SVIL: variants seen among roughly 807,000 people sequenced by gnomAD.
SVIL encodes archvillin.
Under a neutral mutation model 240.4 loss-of-function variants are expected in SVIL, and 101 were observed. The ratio of observed to expected loss-of-function variants is 0.42; its 90% CI spans 0.36 to 0.50. The LOEUF is 0.50. SVIL is among the 20% of genes least tolerant of loss of function. The pLI is 0.01. For missense variants in SVIL, 2,512 were observed against 2,818.7 expected (o/e 0.89, Z 2.46); for synonymous variants, 999 against 1,100.0 (o/e 0.91, Z 1.82).
At chr10:29,548,190 G>A (rs541798735) in intron 6 of SVIL, among the ~76,000 whole-genome samples, 3 of 152,262 alleles carry the variant, frequency 2.0e-5, no homozygotes, top group East Asian at 3.9e-4. Context: ...GTACCACAAG[G>A]GTCTGCTTCA....
intron 20 of SVIL, among the ~76,000 whole-genome samples, chr10:29,494,241 G>A (rs868626330): frequency 1.8e-4 from 27 of 152,054 alleles, no homozygotes; most frequent in African/African-American, 4.8e-4. Context: ...GCTGACCCAC[G>A]GGCTAGATCA....
In SVIL at chr10:29,622,263, A is replaced by AAAG. The variant is rs1420863352; in HGVS notation, c.-201+12156_-201+12157insCTT. The stretch of plus-strand genomic sequence containing the variant: ...AGACTCCGTCTCAAAAAAAAAAAAA[A>AAAG]AAAAAAAAAAAAGAACCTTGGAAAC... On this transcript the variant is annotated intron_variant, in intron 1 of 37. Transcript: ENST00000355867. Among the ~76,000 whole-genome samples, 26 of 149,962 alleles carry AAAG rather than the reference A, an allele frequency of 1.7e-4. 1 individual carries two copies. Among genetic ancestry groups the AAAG allele is most frequent in the Non-Finnish European group, 2.8e-4 (19 of 67,336 alleles).
intron 3 of SVIL, chr10:29,647,059 C>G (rs780587773): frequency 6.6e-6 from 1 of 152,178 alleles, no homozygotes; most frequent in Non-Finnish European, 1.5e-5. Context: ...CCTAGAAACC[C>G]CAATCCTCTG....
rs116774979 is a variant in SVIL at position 29,532,858 on chromosome 10, C to T, written c.1509G>A (p.Pro503=). The T allele has an allele frequency of 2.0e-3, 3,153 of 1,614,076 alleles. 46 individuals are homozygous for T. The African/African-American group carries it at 0.035, about 18-fold the overall frequency. Reference sequence around the variant, plus strand: ...TGCCTGTCCTCTCAGTGGGCTGGTGCGGAGCTTGAGGGGGTTGTGCCACGT... The same window carrying T: ...TGCCTGTCCTCTCAGTGGGCTGGTGTGGAGCTTGAGGGGGTTGTGCCACGT... ...LENVAQPPQA[P]HQPTERTGRS... The change falls in exon 8 of 38, where the codon CCG becomes CCA. Residue 503 remains proline (P), a synonymous_variant. Coordinates refer to ENST00000355867, the MANE Select transcript of SVIL (RefSeq NM_021738.3).
intron 1 of SVIL, among the ~76,000 whole-genome samples, chr10:29,600,849 T>C (rs1376434788): frequency 6.6e-6 from 1 of 152,224 alleles, no homozygotes; most frequent in Non-Finnish European, 1.5e-5. Flanking sequence ...GGACCCGTGC[T>C]ATGGGACCAC....
chr10:29,704,293 G>A (rs1962738280), intron 1 of SVIL, among the ~76,000 whole-genome samples: 2 of 152,202 alleles, frequency 1.3e-5, no homozygotes, highest in Admixed American at 1.3e-4. Flanking sequence ...TCGTGTGTGT[G>A]TGTATGTGTG....
chr10:29,470,248 G>A, intron 32 of SVIL, 28 bp downstream of exon 32: 1 of 1,613,296 alleles, frequency 6.2e-7, no homozygotes, highest in Non-Finnish European at 8.5e-7. Flanking sequence ...CGGTGTGTGG[G>A]GGGACTCGCC....
chr10:29,594,559 CTTTTTTTT>C (rs34870351), intron 1 of SVIL, among the ~76,000 whole-genome samples: 1 of 140,590 alleles, frequency 7.1e-6, no homozygotes, highest in South Asian at 2.3e-4. Flanking sequence ...AATTTTTTTT[CTTTTTTTT>C]TTTTTTTGAA....
chr10:29,655,879 T>TTTC (rs1367796607), intron 3 of SVIL, among the ~76,000 whole-genome samples: 13 of 151,500 alleles, frequency 8.6e-5, no homozygotes, highest in Non-Finnish European at 1.8e-4. Context: ...TGTGGGTTTT[T>TTTC]TTTTTTTTTT....
chr10:29,569,392 G>T, intron 1 of SVIL, 80 bp from the exon 2 acceptor site: 2 of 616,546 alleles, frequency 3.2e-6, no homozygotes, highest in Non-Finnish European at 4.1e-6. Flanking sequence ...TCTCCAAACT[G>T]CTTTTGAACA....
chr10:29,704,661 C>T (rs573633719), intron 1 of SVIL, among the ~76,000 whole-genome samples: 40 of 152,258 alleles, frequency 2.6e-4, no homozygotes, highest in African/African-American at 8.7e-4. Context: ...CATTTCCCCC[C>T]GCAAATTGTT....
intron 1 of SVIL, among the ~76,000 whole-genome samples, chr10:29,702,885 G>A (rs1045176041): frequency 7.9e-5 from 12 of 152,112 alleles, no homozygotes; most frequent in Admixed American, 2.6e-4. Flanking sequence ...GAGAAAAAGG[G>A]TAGAATCGTA....
At position 29,713,262 on chromosome 10, in the gene SVIL, CTGTG is replaced by C. The variant is rs10647219; in HGVS notation, c.-400+22485_-400+22488del. Among the ~76,000 whole-genome samples the C allele has an allele frequency of 3.6e-3, 538 of 148,570 alleles. 5 individuals are homozygous for C. Among genetic ancestry groups the C allele is most frequent in the African/African-American group, 0.012 (487 of 40,448 alleles). On this transcript the variant is annotated intron_variant, in intron 1 of 35. Transcript: ENST00000375400. The stretch of plus-strand genomic sequence containing the variant: ...TAAAACTAAGAAGTTGTACATGCCT[CTGTG>C]TGTGTGTGTGTGTGTGTGTGTGTGC...
In SVIL at chr10:29,493,290, C is replaced by G. The variant is rs773023361; in HGVS notation, c.3943G>C (p.Val1315Leu). 3 of 1,614,056 alleles carry G rather than the reference C, an allele frequency of 1.9e-6. No individual in the cohort carries two copies. In the South Asian group the frequency reaches 3.3e-5, roughly 18 times the overall value. Residue 1315 changes from valine (V) to leucine (L), a missense_variant, in exon 21 of 38, where the codon GTG becomes CTG. Coordinates refer to ENST00000355867, the MANE Select transcript of SVIL (RefSeq NM_021738.3). ...GGACTTCTTGGCATATTATAATCCA[C>G]GCTGCGGTAAAATTTGGCAAAGGTT... ...DETFAKFYRS[V>L]DYNMPRSPVE... is the part of the protein sequence containing the mutation.
At chr10:29,524,261 A>G (rs1173702550) in intron 14 of SVIL, among the ~76,000 whole-genome samples, 2 of 152,196 alleles carry the variant, frequency 1.3e-5, no homozygotes, top group Non-Finnish European at 2.9e-5. Context: ...CTCATTCTAG[A>G]TATTTCAGCA....
chr10:29,477,979 T>C (rs531586583), intron 29 of SVIL, among the ~76,000 whole-genome samples: 2 of 152,362 alleles, frequency 1.3e-5, no homozygotes, highest in Admixed American at 1.3e-4. Flanking sequence ...TTACTTTTTT[T>C]TCTCATAACT....
At chr10:29,564,103 A>C (rs1954757767) in intron 2 of SVIL, among the ~76,000 whole-genome samples, 1 of 151,770 alleles carries the variant, frequency 6.6e-6, no homozygotes, top group African/African-American at 2.4e-5. Context: ...CCTGCTTTGT[A>C]ATATTGACTG....
At chr10:29,571,894 G>A (rs1409082959) in intron 1 of SVIL, among the ~76,000 whole-genome samples, 1 of 152,164 alleles carries the variant, frequency 6.6e-6, no homozygotes, top group African/African-American at 2.4e-5. Context: ...GGATCTTGGG[G>A]AGGCGGGATC....
At chr10:29,596,441 C>G (rs578151298) in intron 1 of SVIL, among the ~76,000 whole-genome samples, 2 of 152,114 alleles carry the variant, frequency 1.3e-5, no homozygotes, top group Admixed American at 1.3e-4. Context: ...CTACTGCACT[C>G]CAGCTTGGGC....
Sources: gnomAD v4.1 joint callset for allele counts (sites outside exome capture counted in the v4.1 genomes callset) on GRCh38, gnomAD v4.1.1 for gene constraint, MANE v1.5 for transcripts, NCBI Gene and HGNC (gene_info 2026-07-23, HGNC 2026-07-21) for gene names.